CNTN4: variants seen among roughly 807,000 people sequenced by gnomAD.
CNTN4 encodes contactin 4.
In CNTN4, 77 loss-of-function variants were observed where a neutral mutation model predicts 122.5. The ratio of observed to expected loss-of-function variants is 0.63; its 90% CI spans 0.52 to 0.76. The LOEUF is 0.76. Among genes scored for constraint, CNTN4 ranks in the 30% least tolerant of loss-of-function variants. The probability of loss-of-function intolerance (pLI) is 0.00; values close to 1 mark genes in which losing one functional copy is unlikely to be tolerated. For synonymous variants in CNTN4, 512 were observed against 447.0 expected, an observed-to-expected ratio of 1.15 and a Z score of -1.83; for missense variants, 1,256 against 1,259.1, an observed-to-expected ratio of 1.00 and a Z score of 0.04.
chr3:2,629,503 T>A (rs1425247764), intron 4 of CNTN4: 1 of 435,500 alleles, frequency 2.3e-6, no homozygotes, highest in Admixed American at 2.6e-5. Flanking sequence ...TGAAGAATTT[T>A]ACCCTGTTCC....
chr3:3,007,092 C>A (rs1021995302), intron 14 of CNTN4, among the ~76,000 whole-genome samples: 1 of 152,126 alleles, frequency 6.6e-6, no homozygotes, highest in Non-Finnish European at 1.5e-5. Context: ...CACTCTCCTC[C>A]TAGAAAAAGT....
Position 2,121,931 on chromosome 3 carries a change from C to T in CNTN4, c.-145+21292C>T, listed in dbSNP as rs987903100. The stretch of plus-strand genomic sequence containing the variant: ...CTGTAATCCCAGCACTTTGGGAGGC[C>T]GAGGTGGGCGGATCACGAGGTCAGG... On this transcript the variant is annotated intron_variant, in intron 2 of 24. Coordinates refer to ENST00000418658, the MANE Select transcript of CNTN4 (RefSeq NM_175607.3). Among the ~76,000 whole-genome samples, 59 of 151,864 alleles carry T rather than the reference C, an allele frequency of 3.9e-4. 1 individual carries two copies. Among genetic ancestry groups the T allele is most frequent in the Admixed American group, 2.8e-3 (42 of 15,242 alleles).
chr3:2,848,131 G>A (rs997880373), intron 7 of CNTN4, among the ~76,000 whole-genome samples: 8 of 152,072 alleles, frequency 5.3e-5, no homozygotes, highest in African/African-American at 1.9e-4. Context: ...TACACCTGTA[G>A]TCCCCAGCTA....
intron 4 of CNTN4, among the ~76,000 whole-genome samples, chr3:2,686,142 A>G (rs978179873): frequency 6.6e-6 from 1 of 152,202 alleles, no homozygotes; most frequent in Non-Finnish European, 1.5e-5. Flanking sequence ...CTGTTACTGA[A>G]TAAGGCCCTT....
chr3:2,590,542 A>G (rs1460649671), intron 4 of CNTN4, among the ~76,000 whole-genome samples: 1 of 151,926 alleles, frequency 6.6e-6, no homozygotes, highest in Non-Finnish European at 1.5e-5. Context: ...ACTGTTACAC[A>G]TAGGATAAAA....
intron 2 of CNTN4, among the ~76,000 whole-genome samples, chr3:2,116,584 A>G (rs143807136): frequency 8.1e-4 from 123 of 152,252 alleles, no homozygotes; most frequent in African/African-American, 2.8e-3. Flanking sequence ...GTTCTGTGGA[A>G]CACTAATTCT....
At chr3:2,634,012 A>G (rs2082552888) in intron 4 of CNTN4, among the ~76,000 whole-genome samples, 1 of 152,206 alleles carries the variant, frequency 6.6e-6, no homozygotes, top group Non-Finnish European at 1.5e-5. Context: ...ACAAGAACAG[A>G]TAAACATAGT....
At chr3:2,234,198 G>A (rs944269597) in intron 2 of CNTN4, among the ~76,000 whole-genome samples, 6 of 151,798 alleles carry the variant, frequency 4.0e-5, no homozygotes, top group African/African-American at 1.5e-4. Flanking sequence ...GACCAATATG[G>A]TGAAACCCCG....
At chr3:2,225,353 A>T (rs1166670737) in intron 2 of CNTN4, among the ~76,000 whole-genome samples, 1 of 151,046 alleles carries the variant, frequency 6.6e-6, no homozygotes, top group Non-Finnish European at 1.5e-5. Context: ...TCTCTACTAA[A>T]AATACAAAAA....
intron 3 of CNTN4, among the ~76,000 whole-genome samples, chr3:2,348,381 A>G (rs748058501): frequency 1.6e-4 from 24 of 152,088 alleles, no homozygotes; most frequent in Non-Finnish European, 2.8e-4. Flanking sequence ...TGTGTTTTAT[A>G]TAGGGACTTT....
intron 13 of CNTN4, among the ~76,000 whole-genome samples, chr3:2,938,353 A>G (rs2094584134): frequency 6.6e-6 from 1 of 151,814 alleles, no homozygotes; most frequent in South Asian, 2.1e-4. Flanking sequence ...TTTAGTCTTT[A>G]CTATGCCCTC....
At chr3:2,707,263 G>A (rs960769687) in intron 4 of CNTN4, among the ~76,000 whole-genome samples, 6 of 151,380 alleles carry the variant, frequency 4.0e-5, no homozygotes, top group Admixed American at 2.6e-4. Flanking sequence ...CCGAGATCAC[G>A]CCACTGCACT....
rs114508016 is a variant in CNTN4 at position 2,736,096 on chromosome 3, T to C, written c.56-119T>C. On this transcript the variant is annotated intron_variant, in intron 4 of 24. Coordinates refer to ENST00000418658, the MANE Select transcript of CNTN4 (RefSeq NM_175607.3). ...CTTCTAGAAGCTGAAACACAGCCTG[T>C]TGTGCCTTACTATTTTTTGTTAATT... 4.7e-4 allele frequency: 477 copies of C among 1,012,914 alleles called. 5 individuals carry two copies. In the African/African-American group the frequency reaches 7.0e-3, roughly 15 times the overall value. The allele number at this position is 1,012,914 out of a possible 1,614,324, so 62.7% of individuals were successfully genotyped here.
At chr3:2,501,618 G>A (rs9828150) in intron 3 of CNTN4, among the ~76,000 whole-genome samples, 77,661 of 151,844 alleles carry the variant, frequency 0.51, 20,310 homozygotes, top group Admixed American at 0.6. Context: ...CCTCACTTCC[G>A]TTGTCATATT....
At chr3:2,856,127 A>G (rs938624147) in intron 7 of CNTN4, among the ~76,000 whole-genome samples, 2 of 152,168 alleles carry the variant, frequency 1.3e-5, no homozygotes, top group Non-Finnish European at 2.9e-5. Flanking sequence ...CTTCGATTCA[A>G]CTAATGCTTA....
At chr3:2,472,443 T>A (rs751395096) in intron 3 of CNTN4, among the ~76,000 whole-genome samples, 1 of 152,154 alleles carries the variant, frequency 6.6e-6, no homozygotes, top group Non-Finnish European at 1.5e-5. Context: ...TTTGTCAAGT[T>A]GGCCAGGCTG....
intron 3 of CNTN4, among the ~76,000 whole-genome samples, chr3:2,449,858 C>G (rs969637955): frequency 2.0e-5 from 3 of 152,088 alleles, no homozygotes; most frequent in Non-Finnish European, 4.4e-5. Flanking sequence ...AGTCCAAATA[C>G]TATATGATTT....
At position 2,455,122 on chromosome 3, in the gene CNTN4, C is replaced by T. The variant is rs73804575; in HGVS notation, c.-89+115889C>T. 6.5e-3 allele frequency among the ~76,000 whole-genome samples: 991 copies of T among 152,132 alleles called. 16 individuals are homozygous for T. Among genetic ancestry groups the T allele is most frequent in the African/African-American group, 0.022 (921 of 41,486 alleles). ...GCTCAAGAGAGGATATGTGTGAGACCCACATAAAGGTAGGGATGGACTTAT... is the reference window on the plus strand; with the variant it reads ...GCTCAAGAGAGGATATGTGTGAGACTCACATAAAGGTAGGGATGGACTTAT... On this transcript the variant is annotated intron_variant, in intron 3 of 24. Transcript: ENST00000418658.
intron 3 of CNTN4, among the ~76,000 whole-genome samples, chr3:2,365,317 CA>C (rs1307077321): frequency 2.0e-5 from 3 of 152,180 alleles, no homozygotes; most frequent in Non-Finnish European, 4.4e-5. Context: ...GGGCAAAAGT[CA>C]GCCCCATTCT....
Sources: gnomAD v4.1 joint callset for allele counts (sites outside exome capture counted in the v4.1 genomes callset) on GRCh38, gnomAD v4.1.1 for gene constraint, MANE v1.5 for transcripts, NCBI Gene and HGNC (gene_info 2026-07-23, HGNC 2026-07-21) for gene names.